The following SPATA31H1 variants were observed in gnomAD, a reference collection of about 807,000 sequenced individuals.
The protein encoded by SPATA31H1 is SPATA31 subfamily H member 1, also known as spermatogenesis-associated protein 31H1.
At chr2:27,537,710 T>C in the SPATA31H1 span, 3 of 616,796 alleles carry the variant, frequency 4.9e-6, no homozygotes, top group East Asian at 5.5e-5. Flanking sequence ...TTCCTATAGA[T>C]CACTATAAAT....
At chr2:27,578,037 G>C in the SPATA31H1 span, 1 of 1,614,118 alleles carries the variant, frequency 6.2e-7, no homozygotes. Context: ...CACAGAATCT[G>C]CAAGGACACA....
chr2:27,538,833 A>G, the SPATA31H1 span, among the ~76,000 whole-genome samples: 1 of 151,866 alleles, frequency 6.6e-6, no homozygotes, highest in Admixed American at 6.6e-5. Context: ...TCTGTCTCAA[A>G]AAAAAAAAGG....
the SPATA31H1 span, among the ~76,000 whole-genome samples, chr2:27,564,258 T>C: frequency 0.027 from 4,094 of 152,252 alleles, 179 homozygotes; most frequent in African/African-American, 0.094. Context: ...GCAGATTTTT[T>C]CCTAGCCACT....
At chr2:27,542,328 C>T in the SPATA31H1 span, among the ~76,000 whole-genome samples, 1 of 151,398 alleles carries the variant, frequency 6.6e-6, no homozygotes, top group African/African-American at 2.4e-5. Context: ...ACCTGGGAGG[C>T]GGAAGTTGCA....
chr2:27,537,635 A>T, the SPATA31H1 span: 1 of 689,814 alleles, frequency 1.4e-6, no homozygotes, highest in East Asian at 2.7e-5. Flanking sequence ...AAACTGCCAT[A>T]CTTTGGGCCA....
chr2:27,578,096 AGTT>A, the SPATA31H1 span: 10 of 1,614,166 alleles, frequency 6.2e-6, no homozygotes, highest in South Asian at 8.8e-5. Context: ...ATGTCCCAAA[AGTT>A]GTTCAATCTG....
chr2:27,562,845 C>T, the SPATA31H1 span, among the ~76,000 whole-genome samples: 31 of 151,324 alleles, frequency 2.0e-4, no homozygotes, highest in African/African-American at 7.3e-4. Context: ...TGAGATCGCG[C>T]CACTGCACTC....
the SPATA31H1 span, among the ~76,000 whole-genome samples, chr2:27,548,576 C>T: frequency 1.3e-5 from 2 of 149,070 alleles, no homozygotes; most frequent in African/African-American, 5.0e-5. Context: ...CCACAGCACT[C>T]CAGCTTGGGT....
At chr2:27,556,437 C>T in the SPATA31H1 span, among the ~76,000 whole-genome samples, 1 of 151,464 alleles carries the variant, frequency 6.6e-6, no homozygotes, top group Non-Finnish European at 1.5e-5. Flanking sequence ...TCCTGTCTCC[C>T]CTTTCCTTCT....
At chr2:27,579,269 A>C in the SPATA31H1 span, 13 of 1,614,218 alleles carry the variant, frequency 8.1e-6, no homozygotes, top group Non-Finnish European at 1.0e-5. Context: ...GGAATATTTT[A>C]GGGACCACTA....
chr2:27,562,391 A>G, the SPATA31H1 span, among the ~76,000 whole-genome samples: 2 of 151,576 alleles, frequency 1.3e-5, no homozygotes, highest in Admixed American at 1.3e-4. Context: ...GGGGTCATGC[A>G]CCTGTAGTCC....
the SPATA31H1 span, among the ~76,000 whole-genome samples, chr2:27,561,855 C>T: frequency 4.6e-5 from 7 of 152,178 alleles, no homozygotes; most frequent in East Asian, 3.8e-4. Flanking sequence ...TGTGCCACCA[C>T]GCCCAGCTAG....
chr2:27,582,700 A>T, the SPATA31H1 span: 4 of 650,758 alleles, frequency 6.1e-6, no homozygotes, highest in Middle Eastern at 8.4e-4. Context: ...TTTCTCTAAG[A>T]TGAATAAAGG....
chr2:27,555,961 G>A, the SPATA31H1 span, among the ~76,000 whole-genome samples: 2 of 151,526 alleles, frequency 1.3e-5, no homozygotes, highest in Non-Finnish European at 2.9e-5. Context: ...GTGAAACACC[G>A]TCTCTACTAA....
chr2:27,564,849 T>C, the SPATA31H1 span, among the ~76,000 whole-genome samples: 777 of 152,302 alleles, frequency 5.1e-3, 12 homozygotes, highest in African/African-American at 0.018. Flanking sequence ...ATGTCATTAC[T>C]GCCTTTAAAA....
At chr2:27,552,498 G>A in the SPATA31H1 span, among the ~76,000 whole-genome samples, 30 of 151,996 alleles carry the variant, frequency 2.0e-4, no homozygotes, top group Middle Eastern at 6.8e-3. Flanking sequence ...CTACAGCTTC[G>A]TAAGTTTTAA....
chr2:27,576,717 T>G, the SPATA31H1 span: 2 of 1,613,964 alleles, frequency 1.2e-6, no homozygotes, highest in East Asian at 2.2e-5. Flanking sequence ...TGTCAGATTT[T>G]CAAATTTGTC....
the SPATA31H1 span, chr2:27,572,655 C>T: frequency 2.5e-6 from 1 of 397,880 alleles, no homozygotes; most frequent in South Asian, 1.3e-4. Context: ...AGACTCACAG[C>T]TTACAAGTGT....
chr2:27,578,741 A>C, the SPATA31H1 span: 1 of 1,614,178 alleles, frequency 6.2e-7, no homozygotes, highest in East Asian at 2.2e-5. Flanking sequence ...AAGAGTTACA[A>C]GTAGGGACTG....
Sources: allele counts gnomAD v4.1 joint callset (sites outside exome capture counted in the v4.1 genomes callset), GRCh38; gene constraint gnomAD v4.1.1; transcripts MANE v1.5; gene names NCBI Gene and HGNC (gene_info 2026-07-23, HGNC 2026-07-21).